The following SLC25A48 variants were observed in gnomAD, a reference collection of about 807,000 sequenced individuals.
SLC25A48 encodes solute carrier family 25 member 48.
In SLC25A48, 29 loss-of-function variants were observed where a neutral mutation model predicts 32.2. That is an observed-to-expected ratio of 0.90 (90% CI 0.67 to 1.23). The LOEUF (loss-of-function observed/expected upper bound fraction) is 1.23, where lower values mean the gene tolerates loss of function less well. Ranked by LOEUF, SLC25A48 falls within the 50% of genes most tolerant of loss-of-function variation. The pLI is 0.00. For missense variants in SLC25A48, 399 were observed against 422.7 expected, an observed-to-expected ratio of 0.94 and a Z score of 0.49; for synonymous variants, 164 against 172.3, an observed-to-expected ratio of 0.95 and a Z score of 0.38.
chr5:135,769,380 A>G (rs1017906818), intron 3 of SLC25A48, among the ~76,000 whole-genome samples: 1 of 151,336 alleles, frequency 6.6e-6, no homozygotes, highest in African/African-American at 2.4e-5. Flanking sequence ...TATCCCAAGG[A>G]GTGAACACCA....
chr5:135,675,933 A>G (rs1056720511), intron 3 of SLC25A48, among the ~76,000 whole-genome samples: 6 of 151,948 alleles, frequency 3.9e-5, no homozygotes, highest in Non-Finnish European at 8.8e-5. Context: ...GGTTAAATTT[A>G]TTCCTAGGCA....
At position 135,852,721 on chromosome 5, in the gene SLC25A48, C is replaced by T; in HGVS notation, c.321C>T (p.Leu107=). The T allele has an allele frequency of 6.2e-7, 1 of 1,614,150 alleles. No homozygotes were observed. The highest frequency in any genetic ancestry group is 8.5e-7 in the Non-Finnish European group (1 of 1,180,028). The change falls in exon 4 of 8, where the codon CTC becomes CTT. Residue 107 remains leucine, a synonymous_variant. Coordinates refer to ENST00000681962, the MANE Select transcript of SLC25A48 (RefSeq NM_001349336.2). ...CTCCCCGCACGCTGTCAGACCTGCT[C>T]CTGGCCAGCATGGTGGCCGGCGTGG... ...ASPPRTLSDL[L]LASMVAGVVS... is the part of the protein sequence containing the mutation.
rs548239534 is a variant in SLC25A48 at position 135,810,971 on chromosome 5, C to T, written c.-520-1552C>T. ...TGGGTAAGGAACCAGCAGCACCTAC[C>T]GGAACTGACTTTGGCCACACAGGAC... On this transcript the variant is annotated intron_variant, in intron 3 of 10. Coordinates refer to the SLC25A48 transcript ENST00000646290. 5.9e-5 allele frequency among the ~76,000 whole-genome samples: 9 copies of T among 152,296 alleles called. No homozygotes were observed. The South Asian group carries it at 1.0e-3, about 18-fold the overall frequency.
chr5:135,829,193 C>T (rs1561513476), intron 4 of SLC25A48, among the ~76,000 whole-genome samples: 1 of 152,198 alleles, frequency 6.6e-6, no homozygotes, highest in Non-Finnish European at 1.5e-5. Context: ...CACTCAAACT[C>T]CTCTGAGTCC....
intron 3 of SLC25A48, among the ~76,000 whole-genome samples, chr5:135,851,353 G>C (rs1349503324): frequency 2.0e-5 from 3 of 152,176 alleles, no homozygotes; most frequent in African/African-American, 7.2e-5. Flanking sequence ...GGTGTTCCCG[G>C]GTGATGCTGT....
intron 1 of SLC25A48, among the ~76,000 whole-genome samples, chr5:135,626,791 G>A (rs967952831): frequency 4.6e-5 from 7 of 152,180 alleles, no homozygotes; most frequent in African/African-American, 1.4e-4. Flanking sequence ...TGTGAGAGCT[G>A]GGAGTTCCAA....
At chr5:135,851,634 C>T (rs961924563) in intron 3 of SLC25A48, among the ~76,000 whole-genome samples, 2 of 152,128 alleles carry the variant, frequency 1.3e-5, no homozygotes, top group African/African-American at 2.4e-5. Context: ...GTGTGTGAGG[C>T]ATCCTGCCTC....
At chr5:135,615,403 A>G (rs1752162895) in intron 1 of SLC25A48, among the ~76,000 whole-genome samples, 1 of 152,212 alleles carries the variant, frequency 6.6e-6, no homozygotes, top group Admixed American at 6.5e-5. Flanking sequence ...TGTGTTAACA[A>G]AGAGGTTGGT....
At chr5:135,831,109 T>C (rs1049391575), upstream of SLC25A48, among the ~76,000 whole-genome samples, 91 of 152,060 alleles carry the variant, frequency 6.0e-4, 1 homozygote, top group African/African-American at 1.9e-3. Context: ...GAGTGATCAG[T>C]GCAAAAGCTC....
chr5:135,589,401 C>T (rs1751454940), intron 1 of SLC25A48, among the ~76,000 whole-genome samples: 1 of 152,194 alleles, frequency 6.6e-6, no homozygotes, highest in African/African-American at 2.4e-5. Context: ...TGCCTGGTCC[C>T]TGATAGGTGG....
chr5:135,669,907 A>G (rs1470880706), intron 3 of SLC25A48, among the ~76,000 whole-genome samples: 1 of 152,222 alleles, frequency 6.6e-6, no homozygotes, highest in Non-Finnish European at 1.5e-5. Flanking sequence ...AGCCCCAGTC[A>G]TTAACTTCTT....
At chr5:135,878,030 C>G (rs17169277) in intron 6 of SLC25A48, among the ~76,000 whole-genome samples, 9,385 of 152,158 alleles carry the variant, frequency 0.062, 701 homozygotes, top group African/African-American at 0.17. Flanking sequence ...AAAGAGTGAC[C>G]CTAGGCCATA....
chr5:135,757,805 A>G (rs1189631377), intron 3 of SLC25A48, among the ~76,000 whole-genome samples: 1 of 150,302 alleles, frequency 6.7e-6, no homozygotes, highest in African/African-American at 2.4e-5. Context: ...TTAACACAGT[A>G]AGATATTAAT....
intron 1 of SLC25A48, among the ~76,000 whole-genome samples, chr5:135,838,940 T>C (rs1482173132): frequency 6.6e-6 from 1 of 152,168 alleles, no homozygotes; most frequent in Non-Finnish European, 1.5e-5. Flanking sequence ...ACTGGGGCAA[T>C]GCCTAGTAGA....
At position 135,871,972 on chromosome 5, in the gene SLC25A48, G is replaced by C; in HGVS notation, c.679+254G>C. On this transcript the variant is annotated intron_variant, in intron 5 of 7. Transcript: ENST00000681962. ...CAGATATATTTTGAACACATACTCT[G>C]TGTCAGGCATTACTAAGCTTTGGAA... 3 of 1,383,820 alleles carry C rather than the reference G, an allele frequency of 2.2e-6. No homozygotes were observed. In the East Asian group the frequency reaches 7.5e-5, roughly 35 times the overall value. The allele number at this position is 1,383,820 out of a possible 1,614,324, so 85.7% of individuals were successfully genotyped here.
intron 3 of SLC25A48, among the ~76,000 whole-genome samples, chr5:135,717,598 G>T (rs746846954): frequency 5.3e-5 from 8 of 152,178 alleles, no homozygotes; most frequent in South Asian, 2.1e-4. Flanking sequence ...AGAAAGGAGA[G>T]GGAGACTCAA....
At chr5:135,626,538 G>T (rs1752444440) in intron 1 of SLC25A48, among the ~76,000 whole-genome samples, 1 of 152,206 alleles carries the variant, frequency 6.6e-6, no homozygotes, top group Non-Finnish European at 1.5e-5. Flanking sequence ...GAGAATTCCA[G>T]CATATATGTG....
chr5:135,672,265 A>C (rs1335477780), intron 3 of SLC25A48, among the ~76,000 whole-genome samples: 1 of 152,190 alleles, frequency 6.6e-6, no homozygotes, highest in African/African-American at 2.4e-5. Flanking sequence ...AGGGATATTA[A>C]AGGTTATGAA....
At chr5:135,818,793 C>T (rs1182878812) in intron 4 of SLC25A48, among the ~76,000 whole-genome samples, 1 of 151,972 alleles carries the variant, frequency 6.6e-6, no homozygotes, top group Admixed American at 6.6e-5. Flanking sequence ...TCAAAGACTT[C>T]AAAATGCTAT....
Sources: allele counts gnomAD v4.1 joint callset (sites outside exome capture counted in the v4.1 genomes callset), GRCh38; gene constraint gnomAD v4.1.1; transcripts MANE v1.5; gene names NCBI Gene and HGNC (gene_info 2026-07-23, HGNC 2026-07-21).